The following CDH4 variants were observed in gnomAD, a reference collection of about 807,000 sequenced individuals.
CDH4 encodes cadherin 4.
In CDH4, 33 loss-of-function variants were observed where a neutral mutation model predicts 86.0. The observed-to-expected ratio is 0.38, with a 90% CI of 0.29 to 0.51. CDH4 has a LOEUF of 0.51. Ranked by LOEUF, CDH4 falls within the 20% of genes least tolerant of loss-of-function variation. The pLI is 0.86. For missense variants in CDH4, 1,114 were observed against 1,307.4 expected (o/e 0.85, Z 2.28); for synonymous variants, 555 against 549.4 (o/e 1.01, Z -0.14).
chr20:61,768,793 T>A (rs1228537312), intron 3 of CDH4, among the ~76,000 whole-genome samples: 1 of 152,248 alleles, frequency 6.6e-6, no homozygotes, highest in Non-Finnish European at 1.5e-5. Flanking sequence ...TTATTACATT[T>A]GTCTCACAGC....
chr20:61,633,108 A>G (rs1178231253), intron 2 of CDH4, among the ~76,000 whole-genome samples: 1 of 148,660 alleles, frequency 6.7e-6, no homozygotes, highest in African/African-American at 2.5e-5. Flanking sequence ...CCATCCATCC[A>G]TCCGTCCATT....
rs914707902 is a variant in CDH4, at chr20:61,900,606, CAG to C, written c.1188+5563_1188+5564del. ...CGGACTGGAAAGGACAAGCCCAAGG[CAG>C]AGACACACAGAAACTTGAGGTCCCT... On this transcript the variant is annotated intron_variant, in intron 8 of 15. Transcript: ENST00000614565. Among the ~76,000 whole-genome samples, 110 of 152,344 alleles carry C rather than the reference CAG, an allele frequency of 7.2e-4. No individual in the cohort carries two copies. In the Middle Eastern group the frequency reaches 0.014, roughly 19 times the overall value.
intron 2 of CDH4, among the ~76,000 whole-genome samples, chr20:61,725,393 C>G (rs1463324305): frequency 6.6e-6 from 1 of 152,194 alleles, no homozygotes; most frequent in East Asian, 1.9e-4. Flanking sequence ...GGTCTGGTCT[C>G]TCTGCCTGGA....
rs149212182 is a variant in CDH4, at chr20:61,708,568, C to A, written c.170-34995C>A. ...GCTGCAGGCTCTTTGCCCCCCACTTCCCCAGCCCTGCTCCCTCCAGCCTCA... is the reference window on the plus strand; with the variant it reads ...GCTGCAGGCTCTTTGCCCCCCACTTACCCAGCCCTGCTCCCTCCAGCCTCA... On this transcript the variant is annotated intron_variant, in intron 2 of 15. Transcript: ENST00000614565. The surrounding 1 kb of genome is among the most constrained non-coding windows in gnomAD (Gnocchi z 4.5). Among the ~76,000 whole-genome samples, 4 of 152,164 alleles carry A rather than the reference C, an allele frequency of 2.6e-5. No individual in the cohort carries two copies. The highest frequency in any genetic ancestry group is 5.9e-5 in the Non-Finnish European group (4 of 68,028).
At position 61,854,777 on chromosome 20, in the gene CDH4, C is replaced by A. The variant is rs529075841; in HGVS notation, c.877+1879C>A. ...TAGTGTGAACAGGGTGAATTGTGCC[C>A]TTGGTCCACCCCCAGGGCTGCAGTG... On this transcript the variant is annotated intron_variant, in intron 6 of 15. Coordinates refer to ENST00000614565, the MANE Select transcript of CDH4 (RefSeq NM_001794.5). 5.5e-5 allele frequency among the ~76,000 whole-genome samples: 7 copies of A among 126,940 alleles called. No individual in the cohort carries two copies. In the East Asian group the frequency reaches 1.8e-3, roughly 33 times the overall value. 83.3% of individuals were successfully genotyped at this position (126,940 alleles called of 152,430 possible). A position where few individuals can be genotyped will look rare whatever the true frequency, so the allele number is the denominator to read the frequency against.
At chr20:61,447,323 ATTTTTTTTTTT>A (rs71331923) in intron 2 of CDH4, among the ~76,000 whole-genome samples, 3 of 110,858 alleles carry the variant, frequency 2.7e-5, no homozygotes. Flanking sequence ...CGCCCAGCTG[ATTTTTTTTTTT>A]TTTTTTTTTT....
At chr20:61,479,419 T>A (rs1219441773) in intron 2 of CDH4, among the ~76,000 whole-genome samples, 1 of 151,970 alleles carries the variant, frequency 6.6e-6, no homozygotes, top group Non-Finnish European at 1.5e-5. Context: ...TTCTCATTGT[T>A]CAATTCCCAC....
chr20:61,695,775 C>T (rs773078451), intron 2 of CDH4, among the ~76,000 whole-genome samples: 6 of 152,342 alleles, frequency 3.9e-5, no homozygotes, highest in Middle Eastern at 3.4e-3. Flanking sequence ...TCGGTTCCCT[C>T]GGAATTTGCA....
At chr20:61,332,473 A>G (rs1490501400) in intron 2 of CDH4, among the ~76,000 whole-genome samples, 1 of 152,228 alleles carries the variant, frequency 6.6e-6, no homozygotes, top group Non-Finnish European at 1.5e-5. Flanking sequence ...AAGAGGGCTT[A>G]GGTCTCCTTC....
At position 61,462,674 on chromosome 20, in the gene CDH4, C is replaced by T. The variant is rs376574401; in HGVS notation, c.169+207737C>T. Among the ~76,000 whole-genome samples, 4 of 152,318 alleles carry T rather than the reference C, an allele frequency of 2.6e-5. No homozygotes were observed. The South Asian group carries it at 6.2e-4, about 24-fold the overall frequency. ...GACACTCAGCTCATTGGGGCTCCCC[C>T]CTCTCCCTCCTTCCCTAGGTTTCAT... On this transcript the variant is annotated intron_variant, in intron 2 of 15. Coordinates refer to ENST00000614565, the MANE Select transcript of CDH4 (RefSeq NM_001794.5).
rs538520292 is a variant in CDH4 at position 61,839,810 on chromosome 20, C to T, written c.577-4858C>T. Among the ~76,000 whole-genome samples the T allele has an allele frequency of 5.4e-5, 8 of 148,788 alleles. No homozygotes were observed. In the East Asian group the frequency reaches 1.4e-3, roughly 27 times the overall value. On this transcript the variant is annotated intron_variant, in intron 4 of 15. Transcript: ENST00000614565. ...ATGTGTGCTGTGTGTGTATTGAGTG[C>T]ACATGTGTGTTGTGTGTCTGTGTGT...
At chr20:61,474,030 G>T (rs907714048) in intron 2 of CDH4, among the ~76,000 whole-genome samples, 5 of 152,022 alleles carry the variant, frequency 3.3e-5, no homozygotes, top group African/African-American at 1.2e-4. Flanking sequence ...GATGACTCTG[G>T]CTTACTGTAA....
At chr20:61,527,897 G>A (rs578086491) in intron 2 of CDH4, among the ~76,000 whole-genome samples, 46 of 152,198 alleles carry the variant, frequency 3.0e-4, no homozygotes, top group African/African-American at 9.9e-4. Context: ...CCGGGGCACC[G>A]GCGCTCACCC....
chr20:61,842,320 G>A (rs1982213370), intron 4 of CDH4, among the ~76,000 whole-genome samples: 1 of 152,222 alleles, frequency 6.6e-6, no homozygotes, highest in South Asian at 2.1e-4. Flanking sequence ...GGCAGTTGCA[G>A]TGGTCATACT....
At chr20:61,348,180 C>G (rs928480144) in intron 2 of CDH4, among the ~76,000 whole-genome samples, 25 of 152,168 alleles carry the variant, frequency 1.6e-4, no homozygotes, top group African/African-American at 5.6e-4. Context: ...AATGGACTCG[C>G]AGTTCCACAT....
At chr20:61,552,328 AAAG>A (rs1260558886) in intron 2 of CDH4, among the ~76,000 whole-genome samples, 2 of 152,252 alleles carry the variant, frequency 1.3e-5, no homozygotes, top group Non-Finnish European at 2.9e-5. Flanking sequence ...TATTTTTTCC[AAAG>A]AAGACATACG....
intron 2 of CDH4, chr20:61,718,606 G>A (rs542898528): frequency 5.6e-6 from 2 of 360,004 alleles, no homozygotes; most frequent in Non-Finnish European, 1.1e-5. Context: ...CGCTGCAGGG[G>A]CTACCCGACT....
At chr20:61,336,115 C>T (rs775281641) in intron 2 of CDH4, among the ~76,000 whole-genome samples, 8 of 152,124 alleles carry the variant, frequency 5.3e-5, no homozygotes, top group Non-Finnish European at 5.9e-5. Context: ...TCAGCTCTCC[C>T]GCCTGGGAAC....
chr20:61,499,364 C>G, intron 2 of CDH4: 1 of 977,322 alleles, frequency 1.0e-6, no homozygotes, highest in South Asian at 1.4e-5. Flanking sequence ...ATAGCAGTGC[C>G]TCTTGCTCTG....
Sources: gnomAD v4.1 joint callset for allele counts (sites outside exome capture counted in the v4.1 genomes callset) on GRCh38, gnomAD v4.1.1 for gene constraint, Gnocchi (gnomAD v3.1) non-coding constraint, MANE v1.5 for transcripts, NCBI Gene and HGNC (gene_info 2026-07-23, HGNC 2026-07-21) for gene names.